The following ADAMTS20 variants were observed in gnomAD, a reference collection of about 807,000 sequenced individuals.
ADAMTS20 encodes ADAM metallopeptidase with thrombospondin type 1 motif 20.
Under a neutral mutation model 260.1 loss-of-function variants are expected in ADAMTS20, and 225 were observed. That is an observed-to-expected ratio of 0.87 (90% CI 0.78 to 0.97). The LOEUF is 0.97. Among genes scored for constraint, ADAMTS20 ranks in the 50% least tolerant of loss-of-function variants. The probability of loss-of-function intolerance (pLI) is 0.00; values close to 1 mark genes in which losing one functional copy is unlikely to be tolerated. For synonymous variants in ADAMTS20, 802 were observed against 769.5 expected, an observed-to-expected ratio of 1.04 and a Z score of -0.70; for missense variants, 2,400 against 2,337.7, an observed-to-expected ratio of 1.03 and a Z score of -0.55.
Position 43,537,148 on chromosome 12 carries a change from C to A in ADAMTS20, c.454-4953G>T, listed in dbSNP as rs138731897. 2.9e-3 allele frequency among the ~76,000 whole-genome samples: 444 copies of A among 152,172 alleles called. 1 individual carries two copies. The highest frequency in any genetic ancestry group is 0.01 in the African/African-American group (416 of 41,518). On this transcript the variant is annotated intron_variant, in intron 2 of 38. Coordinates refer to ENST00000389420, the MANE Select transcript of ADAMTS20 (RefSeq NM_025003.5). Reference sequence around the variant, plus strand: ...GCAGTGGCATGATCTCAGCTCACTGCAACCTCCACCTCCCAGGCTCAAGCA... The same window carrying A: ...GCAGTGGCATGATCTCAGCTCACTGAAACCTCCACCTCCCAGGCTCAAGCA...
chr12:43,446,624 A>G lies in ADAMTS20; in HGVS notation c.2168T>C (p.Ile723Thr). 2 of 1,613,186 alleles carry G rather than the reference A, an allele frequency of 1.2e-6. No homozygotes were observed. Among genetic ancestry groups the G allele is most frequent in the Non-Finnish European group, 1.7e-6 (2 of 1,179,388 alleles). ...ATGAGAACTGTTGAAGACACCTGTT[A>G]TTGTCTTGCATGAAGAGTTGTCCCC... Reference protein sequence around the residue: ...CGGDNSSCKTITGVFNSSHYG... With the variant: ...CGGDNSSCKTTTGVFNSSHYG... The change falls in exon 15 of 39, where the codon ATA (isoleucine) becomes ACA (threonine). Residue 723 changes from isoleucine (I) to threonine (T), a missense_variant. Coordinates refer to ENST00000389420, the MANE Select transcript of ADAMTS20 (RefSeq NM_025003.5).
At chr12:43,403,631 T>G (rs1940855704) in intron 28 of ADAMTS20, among the ~76,000 whole-genome samples, 1 of 151,722 alleles carries the variant, frequency 6.6e-6, no homozygotes, top group Non-Finnish European at 1.5e-5. Flanking sequence ...TGAAAGGCAT[T>G]TTTTTTTAAA....
intron 3 of ADAMTS20, among the ~76,000 whole-genome samples, chr12:43,530,744 T>C (rs1169179931): frequency 6.6e-6 from 1 of 152,146 alleles, no homozygotes; most frequent in Non-Finnish European, 1.5e-5. Context: ...ATGTACCTTA[T>C]ATGGACACAA....
chr12:43,477,344 G>T (rs1942374676), intron 7 of ADAMTS20, among the ~76,000 whole-genome samples: 1 of 152,104 alleles, frequency 6.6e-6, no homozygotes, highest in Non-Finnish European at 1.5e-5. Context: ...ACAGGGTATA[G>T]ATAATGCAAG....
chr12:43,378,496 G>A (rs1262991207), intron 31 of ADAMTS20, among the ~76,000 whole-genome samples: 1 of 152,222 alleles, frequency 6.6e-6, no homozygotes, highest in Non-Finnish European at 1.5e-5. Flanking sequence ...TCTTGCCACA[G>A]TAGAGAGGAA....
In ADAMTS20 at chr12:43,501,483, A is replaced by G. The variant is rs372350571; in HGVS notation, c.867+669T>C. Among the ~76,000 whole-genome samples the G allele has an allele frequency of 8.8e-3, 757 of 86,158 alleles. 2 individuals carry two copies. Among genetic ancestry groups the G allele is most frequent in the African/African-American group, 0.021 (435 of 20,978 alleles). The allele number at this position is 86,158 out of a possible 152,430, so 56.5% of individuals were successfully genotyped here. On this transcript the variant is annotated intron_variant, in intron 4 of 38. Coordinates refer to ENST00000389420, the MANE Select transcript of ADAMTS20 (RefSeq NM_025003.5). ...GATACGCGCGCGCGCGCGCGCGCGC[A>G]CACACACACACACACACACATGTAA...
Position 43,434,323 on chromosome 12 carries a change from A to T in ADAMTS20, c.2642T>A (p.Val881Asp). Residue 881 changes from valine (V) to aspartate (D), a missense_variant, in exon 19 of 39, where the codon GTT becomes GAT. Transcript: ENST00000389420. ...ITCIHKSDHS[V>D]VSDKECDHLP... Reference sequence around the variant, plus strand: ...GTGGTCACATTCTTTATCAGACACAACACTATGATCACTCTTATGTATGCA... The same window carrying T: ...GTGGTCACATTCTTTATCAGACACATCACTATGATCACTCTTATGTATGCA... 2.5e-6 allele frequency: 4 copies of T among 1,593,194 alleles called. No individual in the cohort carries two copies. Among genetic ancestry groups the T allele is most frequent in the Non-Finnish European group, 3.4e-6 (4 of 1,168,516 alleles).
Position 43,490,536 on chromosome 12 carries a change from CA to C in ADAMTS20, c.1077-102del, listed in dbSNP as rs1483130329. ...TTTAACTATGACATGACTACTACCA[CA>C]AACTAACTTCTAAAATCTAGTTCAC... On this transcript the variant is annotated intron_variant, in intron 6 of 38. Transcript: ENST00000389420. 4 of 536,460 alleles carry C rather than the reference CA, an allele frequency of 7.5e-6. No homozygotes were observed. In the African/African-American group the frequency reaches 8.1e-5, roughly 11 times the overall value. 33.2% of individuals were successfully genotyped at this position (536,460 alleles called of 1,614,324 possible).
chr12:43,538,682 G>A (rs56011442), intron 2 of ADAMTS20, among the ~76,000 whole-genome samples: 22,315 of 152,016 alleles, frequency 0.15, 2,295 homozygotes, highest in African/African-American at 0.29. Flanking sequence ...TATTTTAACC[G>A]AACATTTAAA....
intron 3 of ADAMTS20, among the ~76,000 whole-genome samples, chr12:43,531,787 A>G (rs1436686694): frequency 6.6e-6 from 1 of 151,802 alleles, no homozygotes; most frequent in East Asian, 1.9e-4. Flanking sequence ...TTCTCACCAC[A>G]AAAAAAAGAA....
intron 38 of ADAMTS20, 139 bp downstream of exon 38, chr12:43,356,345 A>G: frequency 1.9e-6 from 1 of 531,842 alleles, no homozygotes; most frequent in Admixed American, 3.3e-5. Flanking sequence ...GTGCTCCATT[A>G]TATGTAATAT....
intron 3 of ADAMTS20, among the ~76,000 whole-genome samples, chr12:43,508,075 C>T (rs1335421962): frequency 6.6e-6 from 1 of 151,922 alleles, no homozygotes; most frequent in African/African-American, 2.4e-5. Flanking sequence ...ATAATCTGTT[C>T]GACAAACCCC....
At chr12:43,397,250 G>A (rs1449850705) in intron 29 of ADAMTS20, among the ~76,000 whole-genome samples, 1 of 152,170 alleles carries the variant, frequency 6.6e-6, no homozygotes, top group Non-Finnish European at 1.5e-5. Flanking sequence ...TCGCCAAGAG[G>A]AAAAGAGATA....
At chr12:43,522,973 C>T (rs902699286) in intron 3 of ADAMTS20, among the ~76,000 whole-genome samples, 1 of 152,204 alleles carries the variant, frequency 6.6e-6, no homozygotes, top group African/African-American at 2.4e-5. Context: ...AAACTATCAA[C>T]AGAAATACTG....
chr12:43,447,156 T>C (rs1201851636), intron 14 of ADAMTS20, among the ~76,000 whole-genome samples: 1 of 151,310 alleles, frequency 6.6e-6, no homozygotes, highest in Non-Finnish European at 1.5e-5. Context: ...AGCATCATCC[T>C]GATACCAAAA....
At chr12:43,392,252 G>A (rs1940611387) in intron 29 of ADAMTS20, among the ~76,000 whole-genome samples, 1 of 152,008 alleles carries the variant, frequency 6.6e-6, no homozygotes, top group Non-Finnish European at 1.5e-5. Flanking sequence ...ATTTTTCACA[G>A]CTAATTTCAG....
intron 3 of ADAMTS20, among the ~76,000 whole-genome samples, chr12:43,503,657 C>A (rs1287800833): frequency 6.6e-6 from 1 of 151,938 alleles, no homozygotes; most frequent in Non-Finnish European, 1.5e-5. Context: ...CAGATTATTT[C>A]GTTACCCAGG....
intron 28 of ADAMTS20, chr12:43,423,559 T>A: frequency 1.7e-6 from 1 of 591,676 alleles, no homozygotes. Context: ...GGGAAAAAAT[T>A]CCAAGAAAGT....
intron 32 of ADAMTS20, 26 bp from the exon 33 acceptor site, chr12:43,376,679 C>A (rs776781847): frequency 6.3e-7 from 1 of 1,587,936 alleles, no homozygotes; most frequent in Non-Finnish European, 8.5e-7. Context: ...AATTTGAAGG[C>A]AAACTATATT....
Sources: allele counts gnomAD v4.1 joint callset (sites outside exome capture counted in the v4.1 genomes callset), GRCh38; gene constraint gnomAD v4.1.1; transcripts MANE v1.5; gene names NCBI Gene and HGNC (gene_info 2026-07-23, HGNC 2026-07-21).